Variants in SLC9A9 observed in about 807,000 individuals in gnomAD.
SLC9A9 encodes sodium/hydrogen exchanger 9.
A neutral mutation model predicts 77.8 loss-of-function variants in SLC9A9; 62 were observed. The ratio of observed to expected loss-of-function variants is 0.80; its 90% CI spans 0.65 to 0.98. The LOEUF is 0.98. SLC9A9 is among the 50% of genes least tolerant of loss of function. The pLI is 0.00. For synonymous variants in SLC9A9, 320 were observed against 283.5 expected, an observed-to-expected ratio of 1.13 and a Z score of -1.29; for missense variants, 775 against 774.9, an observed-to-expected ratio of 1.00 and a Z score of 0.00.
chr3:143,800,454 A>G (rs1463181924), intron 2 of SLC9A9, among the ~76,000 whole-genome samples: 1 of 152,206 alleles, frequency 6.6e-6, no homozygotes, highest in Non-Finnish European at 1.5e-5. Context: ...TATTTTACTT[A>G]TCCACCCCGT....
intron 6 of SLC9A9, among the ~76,000 whole-genome samples, chr3:143,585,865 G>A (rs911291101): frequency 6.6e-6 from 1 of 152,206 alleles, no homozygotes; most frequent in African/African-American, 2.4e-5. Context: ...CCCACACTCT[G>A]AGGGCCATGT....
chr3:143,502,766 A>G (rs911383923), intron 9 of SLC9A9, among the ~76,000 whole-genome samples: 1 of 152,236 alleles, frequency 6.6e-6, no homozygotes, highest in African/African-American at 2.4e-5. Flanking sequence ...AAATAATCTC[A>G]AAACTGCAAT....
rs16854298 is a variant in SLC9A9, at chr3:143,782,298, G to A, written c.533+12703C>T. ...ATCTCTCTACTAGGTTGGGAGTGCA[G>A]GATAGCAAATTTCAGTGTGCTTAGG... On this transcript the variant is annotated intron_variant, in intron 4 of 15. Transcript: ENST00000316549. Among the ~76,000 whole-genome samples, 1,495 of 152,262 alleles carry A rather than the reference G, an allele frequency of 9.8e-3. 20 individuals are homozygous for A. The highest frequency in any genetic ancestry group is 0.034 in the African/African-American group (1,396 of 41,550).
rs367997574 is a variant in SLC9A9 at position 143,784,919 on chromosome 3, T to C, written c.533+10082A>G. ...GATGCCAGAGAGCTCTCTCATCTTC[T>C]TTCCACCATGTGAAGATACACTAGA... On this transcript the variant is annotated intron_variant, in intron 4 of 15. Transcript: ENST00000316549. Among the ~76,000 whole-genome samples the C allele has an allele frequency of 6.8e-4, 104 of 152,310 alleles. No individual in the cohort carries two copies. In the South Asian group the frequency reaches 0.015, roughly 22 times the overall value.
At chr3:143,375,043 A>T (rs2033151536) in intron 13 of SLC9A9, among the ~76,000 whole-genome samples, 2 of 152,190 alleles carry the variant, frequency 1.3e-5, no homozygotes, top group African/African-American at 4.8e-5. Flanking sequence ...AGACAAAAAA[A>T]CAAGTTGACA....
chr3:143,433,576 G>A (rs1272401785), intron 12 of SLC9A9, among the ~76,000 whole-genome samples: 5 of 152,038 alleles, frequency 3.3e-5, no homozygotes. Flanking sequence ...CAGATTAATC[G>A]AGATCTGGTG....
chr3:143,374,293 CG>C (rs1390252597), intron 13 of SLC9A9, among the ~76,000 whole-genome samples: 1 of 151,552 alleles, frequency 6.6e-6, no homozygotes, highest in Non-Finnish European at 1.5e-5. Flanking sequence ...GGCGTGGTGG[CG>C]GGCGCCTGTA....
intron 14 of SLC9A9, among the ~76,000 whole-genome samples, chr3:143,351,273 G>C (rs1487030128): frequency 2.0e-5 from 3 of 152,198 alleles, no homozygotes; most frequent in African/African-American, 7.2e-5. Context: ...TAAATTGCTT[G>C]TGAGAACCAC....
intron 4 of SLC9A9, among the ~76,000 whole-genome samples, chr3:143,780,874 A>C (rs1377440852): frequency 6.6e-6 from 1 of 152,226 alleles, no homozygotes; most frequent in African/African-American, 2.4e-5. Context: ...TCAAAGAAAG[A>C]AATTGTGTAC....
chr3:143,807,535 G>C (rs750090482), intron 2 of SLC9A9, among the ~76,000 whole-genome samples: 2 of 152,004 alleles, frequency 1.3e-5, no homozygotes, highest in Non-Finnish European at 2.9e-5. Flanking sequence ...GTGTTTAAGG[G>C]CATGGACACT....
intron 9 of SLC9A9, among the ~76,000 whole-genome samples, chr3:143,506,552 A>T (rs1246836702): frequency 6.6e-6 from 1 of 152,204 alleles, no homozygotes; most frequent in Non-Finnish European, 1.5e-5. Flanking sequence ...GCAGTAGGCA[A>T]TTCCACAGTT....
At chr3:143,742,421 C>T (rs981571549) in intron 4 of SLC9A9, among the ~76,000 whole-genome samples, 1 of 152,194 alleles carries the variant, frequency 6.6e-6, no homozygotes. Flanking sequence ...TGAATTGGCT[C>T]TGTCTAGGCA....
intron 9 of SLC9A9, among the ~76,000 whole-genome samples, chr3:143,549,287 G>C (rs1309358989): frequency 6.6e-6 from 1 of 152,156 alleles, no homozygotes. Flanking sequence ...TTTCAAAGTG[G>C]GGACCTTAGA....
intron 9 of SLC9A9, among the ~76,000 whole-genome samples, chr3:143,497,105 C>G (rs995863927): frequency 2.0e-5 from 3 of 152,206 alleles, no homozygotes; most frequent in Admixed American, 2.0e-4. Flanking sequence ...ATTAGAGCTT[C>G]AACATATGAA....
intron 14 of SLC9A9, among the ~76,000 whole-genome samples, chr3:143,361,838 TTTC>T (rs1197414118): frequency 6.6e-6 from 1 of 152,234 alleles, no homozygotes; most frequent in African/African-American, 2.4e-5. Context: ...CCACTTTTAT[TTTC>T]TTGTCTTCAA....
intron 14 of SLC9A9, among the ~76,000 whole-genome samples, chr3:143,299,770 A>G (rs924011781): frequency 1.1e-4 from 16 of 152,124 alleles, no homozygotes; most frequent in Admixed American, 6.5e-5. Flanking sequence ...ACAAGTTTCC[A>G]GATGATACAA....
chr3:143,794,252 A>C (rs1313461117), intron 4 of SLC9A9, among the ~76,000 whole-genome samples: 1 of 152,210 alleles, frequency 6.6e-6, no homozygotes, highest in East Asian at 1.9e-4. Flanking sequence ...GACAGTAAAA[A>C]TCAAGGATAG....
At chr3:143,430,886 A>G (rs1412736894) in intron 12 of SLC9A9, among the ~76,000 whole-genome samples, 5 of 152,142 alleles carry the variant, frequency 3.3e-5, no homozygotes, top group Non-Finnish European at 7.4e-5. Context: ...TTCACCTGAC[A>G]TGCTGCTCTC....
At chr3:143,673,391 A>C (rs150555360) in intron 5 of SLC9A9, among the ~76,000 whole-genome samples, 168 of 152,284 alleles carry the variant, frequency 1.1e-3, no homozygotes, top group African/African-American at 3.9e-3. Flanking sequence ...GTCGACACGA[A>C]TTACCTGCAA....
Sources: allele counts gnomAD v4.1 joint callset (sites outside exome capture counted in the v4.1 genomes callset), GRCh38; gene constraint gnomAD v4.1.1; transcripts MANE v1.5; gene names NCBI Gene and HGNC (gene_info 2026-07-23, HGNC 2026-07-21).